ETNK1: variants seen among roughly 807,000 people sequenced by gnomAD.
The protein encoded by ETNK1 is ethanolamine kinase 1.
Under a neutral mutation model 45.1 loss-of-function variants are expected in ETNK1, and 8 were observed. That is an observed-to-expected ratio of 0.18 (90% confidence interval 0.10 to 0.32). The LOEUF (loss-of-function observed/expected upper bound fraction) is 0.32, where lower values mean the gene tolerates loss of function less well. Among genes scored for constraint, ETNK1 ranks in the 10% least tolerant of loss-of-function variants. The pLI, the probability that ETNK1 is intolerant of heterozygous loss-of-function variation, is 1.00. For missense variants in ETNK1, 302 were observed against 430.6 expected, an observed-to-expected ratio of 0.70 and a Z score of 2.64; for synonymous variants, 152 against 151.9, an observed-to-expected ratio of 1.00 and a Z score of -0.01.
At chr12:22,636,119 T>G (rs963989261) in intron 1 of ETNK1, among the ~76,000 whole-genome samples, 3 of 152,136 alleles carry the variant, frequency 2.0e-5, no homozygotes, top group Non-Finnish European at 4.4e-5. Context: ...GCTGTGATTG[T>G]GTCACTGCAC....
At chr12:22,661,661 A>G (rs1466995437) in intron 4 of ETNK1, among the ~76,000 whole-genome samples, 1 of 152,206 alleles carries the variant, frequency 6.6e-6, no homozygotes, top group Non-Finnish European at 1.5e-5. Flanking sequence ...GTTTCTCATT[A>G]TCTAGTTATT....
intron 6 of ETNK1, among the ~76,000 whole-genome samples, chr12:22,675,223 T>C (rs1592136032): frequency 2.7e-5 from 2 of 74,446 alleles, no homozygotes; most frequent in African/African-American, 6.8e-5. Context: ...GCCTGGCTAA[T>C]TTTTTTAATT....
intron 6 of ETNK1, among the ~76,000 whole-genome samples, chr12:22,681,416 C>A (rs546614509): frequency 2.0e-4 from 30 of 152,034 alleles, no homozygotes; most frequent in African/African-American, 6.7e-4. Flanking sequence ...CACTACAGAG[C>A]AAATTTAGTA....
In ETNK1 at chr12:22,646,411, A is replaced by G. The variant is rs74683312; in HGVS notation, c.416+2389A>G. On this transcript the variant is annotated intron_variant, in intron 2 of 7. Coordinates refer to ENST00000266517, the MANE Select transcript of ETNK1 (RefSeq NM_018638.5). ...TGGTCTGGAGCCCCAAGAAGAGGTT[A>G]AAGATGTAAATTTGGGATGATGTGC... 6.6e-5 allele frequency among the ~76,000 whole-genome samples: 10 copies of G among 151,934 alleles called. No individual in the cohort carries two copies. The East Asian group carries it at 1.9e-3, about 29-fold the overall frequency.
At chr12:22,653,112 G>A (rs888490066) in intron 2 of ETNK1, among the ~76,000 whole-genome samples, 1 of 151,840 alleles carries the variant, frequency 6.6e-6, no homozygotes, top group African/African-American at 2.4e-5. Flanking sequence ...TTCTTTTCCC[G>A]TTGTTGTCCT....
chr12:22,649,276 A>T (rs1953844824), intron 2 of ETNK1, among the ~76,000 whole-genome samples: 1 of 152,044 alleles, frequency 6.6e-6, no homozygotes. Flanking sequence ...TGTCATTTTT[A>T]AAAAGTCATT....
intron 4 of ETNK1, 90 bp from the exon 5 acceptor site, chr12:22,671,182 A>G (rs1306932112): frequency 4.3e-6 from 4 of 923,742 alleles, no homozygotes; most frequent in African/African-American, 3.3e-5. Context: ...ATGAGACAAA[A>G]TATTGGAAGC....
intron 1 of ETNK1, among the ~76,000 whole-genome samples, chr12:22,627,962 G>A (rs1025693566): frequency 2.0e-5 from 3 of 152,026 alleles, no homozygotes; most frequent in South Asian, 4.1e-4. Context: ...CTCAGAATTT[G>A]TGGGTACATG....
intron 6 of ETNK1, among the ~76,000 whole-genome samples, chr12:22,676,782 CAT>C (rs1340517657): frequency 1.3e-5 from 2 of 151,880 alleles, no homozygotes; most frequent in Non-Finnish European, 2.9e-5. Flanking sequence ...AGCTTTTTTT[CAT>C]ATGTTTGTTG....
intron 2 of ETNK1, among the ~76,000 whole-genome samples, chr12:22,651,791 T>C (rs1953879755): frequency 6.6e-6 from 1 of 151,372 alleles, no homozygotes. Flanking sequence ...GTTCAAGTGA[T>C]TCTCCTGCAT....
intron 3 of ETNK1, 113 bp from the exon 4 acceptor site, chr12:22,660,950 T>C (rs1953993190): frequency 1.2e-6 from 1 of 847,360 alleles, no homozygotes; most frequent in South Asian, 1.7e-5. Context: ...GTTGTTTGAA[T>C]TCAGCAGTAT....
chr12:22,632,032 C>G (rs991368803), intron 1 of ETNK1, among the ~76,000 whole-genome samples: 1 of 151,796 alleles, frequency 6.6e-6, no homozygotes, highest in African/African-American at 2.4e-5. Context: ...CATTTTCCTT[C>G]ATAGTCTTGA....
At chr12:22,663,216 C>T (rs1162867417) in intron 4 of ETNK1, among the ~76,000 whole-genome samples, 1 of 152,108 alleles carries the variant, frequency 6.6e-6, no homozygotes, top group Non-Finnish European at 1.5e-5. Context: ...ATTTGTGAGA[C>T]TAGAGCATTA....
intron 1 of ETNK1, 192 bp downstream of exon 1, chr12:22,625,778 T>A: frequency 1.2e-6 from 1 of 844,238 alleles, no homozygotes; most frequent in Non-Finnish European, 1.9e-6. Flanking sequence ...GCAGTTGCTC[T>A]TTGAGATTGA....
intron 1 of ETNK1, chr12:22,638,555 CTTTAAGT>C (rs1264315248): frequency 6.6e-6 from 1 of 151,876 alleles, no homozygotes; most frequent in African/African-American, 2.4e-5. Flanking sequence ...CTTGGCCTGT[CTTTAAGT>C]TTTATCATTT....
chr12:22,686,948 C>T lies in ETNK1; in HGVS notation c.*1994C>T, dbSNP rs1203646352. 1 of 118,058 alleles carries T rather than the reference C, an allele frequency of 8.5e-6. No homozygotes were observed. Among genetic ancestry groups the T allele is most frequent in the Non-Finnish European group, 1.6e-5 (1 of 61,502 alleles). 7.3% of individuals were successfully genotyped at this position (118,058 alleles called of 1,614,324 possible). A position where few individuals can be genotyped will look rare whatever the true frequency, so the allele number is the denominator to read the frequency against. ...TGTGGGAGGAGAGAAGATAATTTTT[C>T]TACCTTACTCCATATTCTTACTTCA... On this transcript the variant is annotated 3_prime_UTR_variant, in exon 8 of 8. Coordinates refer to ENST00000266517, the MANE Select transcript of ETNK1 (RefSeq NM_018638.5).
intron 1 of ETNK1, among the ~76,000 whole-genome samples, chr12:22,626,496 A>G (rs186763465): frequency 8.6e-4 from 131 of 152,378 alleles, no homozygotes; most frequent in Non-Finnish European, 7.6e-4. Flanking sequence ...TAATGTAAGA[A>G]CATTCATTTG....
chr12:22,681,922 G>GA (rs1422467912), intron 6 of ETNK1, among the ~76,000 whole-genome samples: 17 of 152,100 alleles, frequency 1.1e-4, no homozygotes, highest in African/African-American at 3.9e-4. Context: ...ATTCTTTTTT[G>GA]ATACTAGACC....
intron 4 of ETNK1, among the ~76,000 whole-genome samples, chr12:22,670,761 A>C (rs1403509570): frequency 6.6e-6 from 1 of 152,210 alleles, no homozygotes; most frequent in Non-Finnish European, 1.5e-5. Flanking sequence ...GTGATCTTAC[A>C]TTGCTCAGCA....
Sources: allele counts gnomAD v4.1 joint callset (sites outside exome capture counted in the v4.1 genomes callset), GRCh38; gene constraint gnomAD v4.1.1; transcripts MANE v1.5; gene names NCBI Gene and HGNC (gene_info 2026-07-23, HGNC 2026-07-21).